The following CNTN6 variants were observed in gnomAD, a reference collection of about 807,000 sequenced individuals.
CNTN6 encodes the protein contactin-6.
A neutral mutation model predicts 122.8 loss-of-function variants in CNTN6; 137 were observed. The observed-to-expected ratio is 1.12, with a 90% CI of 0.97 to 1.29. The LOEUF is 1.29. Among genes scored for constraint, CNTN6 ranks in the 50% most tolerant of loss-of-function variants. The pLI, the probability that CNTN6 is intolerant of heterozygous loss-of-function variation, is 0.00. For missense variants in CNTN6, 1,634 were observed against 1,223.4 expected, an observed-to-expected ratio of 1.34 and a Z score of -5.01; for synonymous variants, 570 against 426.0, an observed-to-expected ratio of 1.34 and a Z score of -4.16.
intron 4 of CNTN6, among the ~76,000 whole-genome samples, chr3:1,244,865 CCTT>C (rs999763497): frequency 1.5e-5 from 2 of 134,436 alleles, no homozygotes; most frequent in African/African-American, 5.3e-5. Context: ...TTACAAAGAA[CCTT>C]CTTAAGGGTG....
At chr3:1,400,812 C>T (rs554992812) in intron 20 of CNTN6, among the ~76,000 whole-genome samples, 4 of 152,006 alleles carry the variant, frequency 2.6e-5, no homozygotes, top group Admixed American at 6.6e-5. Context: ...TACTCTCTGG[C>T]AAGATGAGTA....
intron 4 of CNTN6, among the ~76,000 whole-genome samples, chr3:1,250,891 AGTC>A (rs1479341942): frequency 6.6e-6 from 1 of 152,030 alleles, no homozygotes; most frequent in African/African-American, 2.4e-5. Context: ...GTAGGGATAG[AGTC>A]GTCCCATCTC....
chr3:1,240,838 G>A (rs900627118), intron 4 of CNTN6, among the ~76,000 whole-genome samples: 1 of 152,204 alleles, frequency 6.6e-6, no homozygotes, highest in African/African-American at 2.4e-5. Flanking sequence ...CCTTCACGTG[G>A]GTGCAGGCGG....
intron 16 of CNTN6, among the ~76,000 whole-genome samples, chr3:1,376,236 A>G (rs1208468367): frequency 6.6e-6 from 1 of 152,142 alleles, no homozygotes; most frequent in East Asian, 1.9e-4. Context: ...AATACCATAT[A>G]CACACTCAGC....
intron 1 of CNTN6, among the ~76,000 whole-genome samples, chr3:1,138,854 T>C (rs966669690): frequency 3.9e-5 from 6 of 152,038 alleles, no homozygotes; most frequent in Admixed American, 3.9e-4. Flanking sequence ...TTATATGTTA[T>C]ATCTATTTGT....
chr3:1,269,559 T>C (rs1389142473), intron 4 of CNTN6, among the ~76,000 whole-genome samples: 2 of 152,232 alleles, frequency 1.3e-5, no homozygotes, highest in Non-Finnish European at 2.9e-5. Context: ...ACTTGTATAT[T>C]TATTTTTGTC....
At chr3:1,395,014 C>G (rs541222351) in intron 20 of CNTN6, among the ~76,000 whole-genome samples, 2 of 152,040 alleles carry the variant, frequency 1.3e-5, no homozygotes, top group African/African-American at 2.4e-5. Flanking sequence ...CTAAATCAAA[C>G]AAGAAAAACC....
Position 1,124,358 on chromosome 3 carries a change from C to T in CNTN6, c.-82-23569C>T, listed in dbSNP as rs576942227. Among the ~76,000 whole-genome samples, 6 of 151,964 alleles carry T rather than the reference C, an allele frequency of 3.9e-5. No individual in the cohort carries two copies. The East Asian group carries it at 9.7e-4, about 25-fold the overall frequency. On this transcript the variant is annotated intron_variant, in intron 1 of 22. Transcript: ENST00000446702. ...CTCTAGCCTGTCATTCTGTCTTTTC[C>T]CCTCCATCTCCTCCAAACACATAAC...
chr3:1,273,414 C>G (rs1691734985), intron 4 of CNTN6, among the ~76,000 whole-genome samples: 1 of 152,142 alleles, frequency 6.6e-6, no homozygotes, highest in African/African-American at 2.4e-5. Flanking sequence ...TTTTAAAGGT[C>G]TTACAGAGCA....
At chr3:1,114,764 G>T (rs928544777) in intron 1 of CNTN6, among the ~76,000 whole-genome samples, 2 of 152,084 alleles carry the variant, frequency 1.3e-5, no homozygotes, top group African/African-American at 4.8e-5. Context: ...CCCATAAAAT[G>T]ACTCTCAATA....
At chr3:1,370,352 G>C (rs1708838160) in intron 12 of CNTN6, among the ~76,000 whole-genome samples, 1 of 152,094 alleles carries the variant, frequency 6.6e-6, no homozygotes, top group Non-Finnish European at 1.5e-5. Flanking sequence ...CTATTGTGGA[G>C]TGTGGGGAGC....
chr3:1,105,865 CT>C (rs954569862), intron 1 of CNTN6, among the ~76,000 whole-genome samples: 4 of 152,126 alleles, frequency 2.6e-5, no homozygotes, highest in African/African-American at 9.7e-5. Flanking sequence ...TTAAATACAT[CT>C]GTGCTCATTC....
intron 7 of CNTN6, among the ~76,000 whole-genome samples, chr3:1,303,994 C>T (rs916890617): frequency 5.3e-5 from 8 of 152,158 alleles, no homozygotes; most frequent in Non-Finnish European, 8.8e-5. Flanking sequence ...TTTGCCCAGC[C>T]TCATGTGACA....
chr3:1,291,554 C>A lies in CNTN6; in HGVS notation c.455-4047C>A, dbSNP rs187397225. Among the ~76,000 whole-genome samples the A allele has an allele frequency of 2.5e-4, 38 of 152,298 alleles. No individual in the cohort carries two copies. In the South Asian group the frequency reaches 5.8e-3, roughly 23 times the overall value. On this transcript the variant is annotated intron_variant, in intron 5 of 22. Coordinates refer to ENST00000446702, the MANE Select transcript of CNTN6 (RefSeq NM_001289080.2). ...TAGGCATTGAATAAGGATCCGTAAG[C>A]TGAGACATGGCCCTGGGAATTTGCT...
At chr3:1,295,153 T>C (rs1695991075) in intron 5 of CNTN6, among the ~76,000 whole-genome samples, 1 of 152,208 alleles carries the variant, frequency 6.6e-6, no homozygotes, top group African/African-American at 2.4e-5. Context: ...GGTAGACTTC[T>C]TGAACTGAAA....
intron 2 of CNTN6, among the ~76,000 whole-genome samples, chr3:1,168,781 C>T (rs1464991160): frequency 1.3e-5 from 2 of 152,010 alleles, no homozygotes; most frequent in Non-Finnish European, 2.9e-5. Flanking sequence ...AAGCACAGAG[C>T]AATTTCTAGG....
At chr3:1,397,175 G>T (rs1695092081) in intron 20 of CNTN6, among the ~76,000 whole-genome samples, 1 of 152,074 alleles carries the variant, frequency 6.6e-6, no homozygotes, top group African/African-American at 2.4e-5. Flanking sequence ...CAAGATCTTT[G>T]CCAACCGGCA....
At chr3:1,386,724 A>ATGAAAGATAACAAATATAGT (rs1311192476) in intron 20 of CNTN6, among the ~76,000 whole-genome samples, 3 of 152,120 alleles carry the variant, frequency 2.0e-5, no homozygotes, top group Non-Finnish European at 4.4e-5. Flanking sequence ...ATCCTGATGA[A>ATGAAAGATAACAAATATAGT]TGAAAGATAA....
intron 12 of CNTN6, among the ~76,000 whole-genome samples, chr3:1,366,222 CATGAA>C (rs1333667107): frequency 7.9e-5 from 12 of 152,142 alleles, no homozygotes. Flanking sequence ...AATAGCATGA[CATGAA>C]ATGAAAGCGA....
Sources: gnomAD v4.1 joint callset for allele counts (sites outside exome capture counted in the v4.1 genomes callset) on GRCh38, gnomAD v4.1.1 for gene constraint, MANE v1.5 for transcripts, NCBI Gene and HGNC (gene_info 2026-07-23, HGNC 2026-07-21) for gene names.